FGD1: variants seen among roughly 807,000 people sequenced by gnomAD.
The protein encoded by FGD1 is FYVE, RhoGEF and PH domain containing 1.
In FGD1, 12 loss-of-function variants were observed where a neutral mutation model predicts 65.0. The ratio of observed to expected loss-of-function variants is 0.18; its 90% CI spans 0.12 to 0.30. FGD1 has a LOEUF of 0.30. Ranked by LOEUF, FGD1 falls within the 10% of genes least tolerant of loss-of-function variation. The pLI is 1.00. For missense variants in FGD1, 542 were observed against 837.6 expected (o/e 0.65, Z 4.36); for synonymous variants, 333 against 343.9 (o/e 0.97, Z 0.35).
Position 54,470,665 on chromosome X carries a change from G to C in FGD1, c.577C>G (p.Arg193Gly). The C allele has an allele frequency of 8.5e-7, 1 of 1,177,620 alleles. No individual in the cohort carries two copies. Among genetic ancestry groups the C allele is most frequent in the Non-Finnish European group, 1.1e-6 (1 of 869,792 alleles). The change falls in exon 3 of 18, where the codon CGA becomes GGA. Residue 193 changes from arginine to glycine, a missense_variant. By Grantham distance (125) the Arg-to-Gly change is moderately radical. Coordinates refer to ENST00000375135, the MANE Select transcript of FGD1 (RefSeq NM_004463.3). ...CTGGGAGCCAGGCCCTTGGCCACTCGGGGGTCGGCAGGCAGTGGGCGTGAT... is the reference window on the plus strand; with the variant it reads ...CTGGGAGCCAGGCCCTTGGCCACTCCGGGGTCGGCAGGCAGTGGGCGTGAT... ...PPSRPLPADPRVAKGLAPRAE... is the reference protein window; with the variant it reads ...PPSRPLPADPGVAKGLAPRAE...
chrX:54,485,966 G>A (rs903308338), intron 1 of FGD1, among the ~76,000 whole-genome samples: 1 of 109,543 alleles, frequency 9.1e-6, no homozygotes, highest in African/African-American at 3.3e-5. Context: ...GTAGAGACAG[G>A]GTTTCACCAT....
At chrX:54,495,028 T>C (rs184454123) in intron 1 of FGD1, 98 bp downstream of exon 1, 161 of 936,022 alleles carry the variant, frequency 1.7e-4, no homozygotes, top group Non-Finnish European at 2.3e-4. Flanking sequence ...TAAGCGAGCC[T>C]GTTCCGAGGT....
chrX:54,462,261 A>T (rs1922653022), intron 8 of FGD1, among the ~76,000 whole-genome samples: 1 of 111,293 alleles, frequency 9.0e-6, no homozygotes. Context: ...CTTAGCTATT[A>T]AACTTTCTAG....
At chrX:54,489,308 G>A (rs745592169) in intron 1 of FGD1, among the ~76,000 whole-genome samples, 6 of 112,786 alleles carry the variant, frequency 5.3e-5, no homozygotes, top group Admixed American at 3.8e-4. Flanking sequence ...TCAGCCAGGC[G>A]TGGTGGCTCA....
chrX:54,458,110 C>T (rs940193187), intron 8 of FGD1, among the ~76,000 whole-genome samples: 2 of 112,405 alleles, frequency 1.8e-5, no homozygotes, highest in Non-Finnish European at 3.8e-5. Flanking sequence ...TTTCAGGGGC[C>T]GGGCTCCAAT....
intron 1 of FGD1, among the ~76,000 whole-genome samples, chrX:54,475,391 G>A (rs1399408165): frequency 8.9e-6 from 1 of 111,927 alleles, no homozygotes; most frequent in Non-Finnish European, 1.9e-5. Context: ...CTGGAAAAGA[G>A]GGGAACCAGG....
chrX:54,480,809 A>C (rs1923126688), intron 1 of FGD1, among the ~76,000 whole-genome samples: 1 of 110,286 alleles, frequency 9.1e-6, no homozygotes, highest in Admixed American at 9.7e-5. Context: ...ACGCCACTAC[A>C]TCTGCCTAAT....
chrX:54,481,712 G>GT (rs989085942), intron 1 of FGD1, among the ~76,000 whole-genome samples: 1 of 106,302 alleles, frequency 9.4e-6, no homozygotes, highest in Non-Finnish European at 1.9e-5. Flanking sequence ...GATGGGGTGT[G>GT]TTTTTTTTAG....
chrX:54,488,314 G>A (rs1018630629), intron 1 of FGD1, among the ~76,000 whole-genome samples: 4 of 95,597 alleles, frequency 4.2e-5, no homozygotes, highest in African/African-American at 1.5e-4. Context: ...GGCCAGGTGC[G>A]GTGGCTCACG....
intron 2 of FGD1, 92 bp downstream of exon 2, chrX:54,471,222 T>C: frequency 9.7e-7 from 1 of 1,026,005 alleles, no homozygotes; most frequent in South Asian, 1.9e-5. Context: ...CCTATCCTTC[T>C]AACAAACCCT....
intron 8 of FGD1, among the ~76,000 whole-genome samples, chrX:54,458,605 C>A (rs1488639169): frequency 1.8e-5 from 2 of 108,231 alleles, no homozygotes; most frequent in Non-Finnish European, 3.8e-5. Context: ...GCTGACCACT[C>A]CAGCTTCCTA....
rs781117640 is a variant in FGD1, at chrX:54,471,123, A to C, written c.481+191T>G. On this transcript the variant is annotated intron_variant, in intron 2 of 17. Coordinates refer to ENST00000375135, the MANE Select transcript of FGD1 (RefSeq NM_004463.3). ...GCCTGAGGTAGACACAAAGGGGCTA[A>C]GGTGAGATCACAGTATGCACACATT... is the stretch of plus-strand genomic sequence containing the variant. Among the ~76,000 whole-genome samples the C allele has an allele frequency of 2.4e-3, 268 of 111,376 alleles. 1 individual carries two copies. Among genetic ancestry groups the C allele is most frequent in the African/African-American group, 8.5e-3 (260 of 30,651 alleles).
chrX:54,464,775 G>A lies in FGD1; in HGVS notation c.1636+676C>T, dbSNP rs888105924. On this transcript the variant is annotated intron_variant, in intron 8 of 17. Transcript: ENST00000375135. ...TATCTCAGCCTAGAGATCCAAATTT[G>A]AGAGGTGGAAAATTTGGGGTCCAGT... is the stretch of plus-strand genomic sequence containing the variant. Among the ~76,000 whole-genome samples, 3 of 110,933 alleles carry A rather than the reference G, an allele frequency of 2.7e-5. No homozygotes were observed. The Admixed American group carries it at 2.9e-4, about 11-fold the overall frequency.
At position 54,470,141 on chromosome X, in the gene FGD1, C is replaced by T. The variant is rs775518382; in HGVS notation, c.976G>A (p.Asp326Asn). ...ALASVPVALADPHRPGSQEVD... is the reference protein window; with the variant it reads ...ALASVPVALANPHRPGSQEVD... ...TCTTGGGAGCCAGGCCGGTGGGGGT[C>T]GGCCAAGGCAACAGGCACACTAGCC... Residue 326 changes from aspartate to asparagine, a missense_variant, in exon 4 of 18, where the codon GAC (aspartate) becomes AAC (asparagine). This residue lies in a region of FGD1 where 297 missense variants were observed against 326.8 expected (regional missense o/e 0.91). Transcript: ENST00000375135. The T allele has an allele frequency of 1.4e-5, 17 of 1,208,214 alleles. No individual in the cohort carries two copies. The highest frequency in any genetic ancestry group is 6.6e-5 in the Admixed American group (3 of 45,660).
intron 14 of FGD1, 40 bp from the exon 15 acceptor site, chrX:54,449,308 CCCCAG>C: frequency 8.3e-7 from 1 of 1,205,724 alleles, no homozygotes; most frequent in South Asian, 1.8e-5. Context: ...GACAGCTACT[CCCCAG>C]CCCAGTCCAG....
At chrX:54,492,563 C>T (rs1923435650) in intron 1 of FGD1, among the ~76,000 whole-genome samples, 1 of 112,381 alleles carries the variant, frequency 8.9e-6, no homozygotes, top group Non-Finnish European at 1.9e-5. Context: ...TACCCCTGGG[C>T]CGGCTGGGCA....
intron 1 of FGD1, among the ~76,000 whole-genome samples, chrX:54,485,496 T>C (rs1254371333): frequency 1.8e-5 from 2 of 111,568 alleles, no homozygotes; most frequent in African/African-American, 6.5e-5. Context: ...TGAGACAGAG[T>C]CTCACTTTGT....
intron 6 of FGD1, 99 bp downstream of exon 6, chrX:54,467,685 G>A (rs369339623): frequency 3.2e-6 from 3 of 944,582 alleles, no homozygotes; most frequent in Non-Finnish European, 4.5e-6. Flanking sequence ...TCACTAAGAG[G>A]AAGAGCAAGC....
chrX:54,485,748 G>C (rs1009902656), intron 1 of FGD1, among the ~76,000 whole-genome samples: 9 of 109,673 alleles, frequency 8.2e-5, no homozygotes, highest in South Asian at 3.9e-4. Flanking sequence ...TAGGATTACA[G>C]GTGTGAGGCA....
Sources: gnomAD v4.1 joint callset for allele counts (sites outside exome capture counted in the v4.1 genomes callset) on GRCh38, gnomAD v4.1.1 for gene constraint, gnomAD v4.1.1 regional missense constraint, MANE v1.5 for transcripts, NCBI Gene and HGNC (gene_info 2026-07-23, HGNC 2026-07-21) for gene names.